CACNB4: variants seen among roughly 807,000 people sequenced by gnomAD.
CACNB4 encodes the protein voltage-dependent L-type calcium channel subunit beta-4.
In CACNB4, 32 loss-of-function variants were observed where a neutral mutation model predicts 71.2. That is an observed-to-expected ratio of 0.45 (90% CI 0.34 to 0.60). The LOEUF (loss-of-function observed/expected upper bound fraction) is 0.60. CACNB4 is among the 20% of genes least tolerant of loss of function. The pLI is 0.01. For missense variants in CACNB4, 464 were observed against 647.9 expected (o/e 0.72, Z 3.08); for synonymous variants, 231 against 236.9 (o/e 0.97, Z 0.23).
At chr2:152,009,517 G>A (rs991089133) in intron 2 of CACNB4, among the ~76,000 whole-genome samples, 12 of 152,214 alleles carry the variant, frequency 7.9e-5, no homozygotes, top group African/African-American at 2.6e-4. Flanking sequence ...GGGGAAACTC[G>A]GTGCAGGGTA....
At chr2:151,851,171 T>C (rs2099838988) in intron 12 of CACNB4, 1 of 152,202 alleles carries the variant, frequency 6.6e-6, no homozygotes, top group African/African-American at 2.4e-5. Flanking sequence ...AATTATGGTC[T>C]TGAAGTAAAG....
At position 151,953,124 on chromosome 2, in the gene CACNB4, A is replaced by C. The variant is rs1475237553; in HGVS notation, c.148-69754T>G. 2.0e-5 allele frequency among the ~76,000 whole-genome samples: 3 copies of C among 152,244 alleles called. No individual in the cohort carries two copies. The East Asian group carries it at 5.8e-4, about 29-fold the overall frequency. On this transcript the variant is annotated intron_variant, in intron 2 of 13. Coordinates refer to ENST00000539935, the MANE Select transcript of CACNB4 (RefSeq NM_000726.5). Reference sequence around the variant, plus strand: ...GATGAGCGATTTTATCCTGACACAGAAAATGAATATGAAGTGGCTCAGTCA... The same window carrying C: ...GATGAGCGATTTTATCCTGACACAGCAAATGAATATGAAGTGGCTCAGTCA...
chr2:151,870,632 C>G (rs1029887919), intron 7 of CACNB4, 21 bp from the exon 8 acceptor site: 5 of 1,599,090 alleles, frequency 3.1e-6, no homozygotes, highest in African/African-American at 2.7e-5. Flanking sequence ...TGATTCGACA[C>G]GCGTGACAAG....
chr2:151,885,978 A>AT (rs1213148290), intron 2 of CACNB4, among the ~76,000 whole-genome samples: 5 of 152,024 alleles, frequency 3.3e-5, no homozygotes, highest in African/African-American at 1.2e-4. Context: ...ATTTTTATTC[A>AT]TTTTTTCTTT....
intron 2 of CACNB4, among the ~76,000 whole-genome samples, chr2:152,051,726 G>A (rs1685438464): frequency 6.6e-6 from 1 of 152,094 alleles, no homozygotes; most frequent in Admixed American, 6.5e-5. Flanking sequence ...ACTTTCTGTT[G>A]TTTAAGCCAC....
At chr2:152,002,517 T>C (rs779875801) in intron 2 of CACNB4, among the ~76,000 whole-genome samples, 2 of 152,234 alleles carry the variant, frequency 1.3e-5, no homozygotes, top group Non-Finnish European at 2.9e-5. Flanking sequence ...AAAATGTTAT[T>C]GGAATCTATT....
intron 2 of CACNB4, among the ~76,000 whole-genome samples, chr2:151,961,544 G>A (rs1488277343): frequency 6.6e-6 from 1 of 152,192 alleles, no homozygotes; most frequent in African/African-American, 2.4e-5. Context: ...AAAGGAAGAC[G>A]ACCAACAACA....
In CACNB4 at chr2:151,954,965, C is replaced by A. The variant is rs576242057; in HGVS notation, c.148-71595G>T. On this transcript the variant is annotated intron_variant, in intron 2 of 13. Coordinates refer to ENST00000539935, the MANE Select transcript of CACNB4 (RefSeq NM_000726.5). ...GCCTCCCAGGTTCATGCCATTCTCCCGCCTCAGCCTCCCGAGTAGCTGGGA... is the reference window on the plus strand; with the variant it reads ...GCCTCCCAGGTTCATGCCATTCTCCAGCCTCAGCCTCCCGAGTAGCTGGGA... Among the ~76,000 whole-genome samples the A allele has an allele frequency of 9.0e-4, 135 of 149,818 alleles. 2 individuals are homozygous for A. The highest frequency in any genetic ancestry group is 1.9e-3 in the Admixed American group (28 of 14,772).
chr2:152,019,024 A>G (rs898213650), intron 2 of CACNB4, among the ~76,000 whole-genome samples: 2 of 152,144 alleles, frequency 1.3e-5, no homozygotes, highest in African/African-American at 2.4e-5. Flanking sequence ...TCTGGGGGCC[A>G]GGAGAGGGGA....
rs200327014 is a variant in CACNB4 at position 151,973,728 on chromosome 2, C to G, written c.148-90358G>C. 26 of 1,612,416 alleles carry G rather than the reference C, an allele frequency of 1.6e-5. No individual in the cohort carries two copies. The African/African-American group carries it at 3.3e-4, about 21-fold the overall frequency. On this transcript the variant is annotated intron_variant, in intron 2 of 13. Coordinates refer to ENST00000539935, the MANE Select transcript of CACNB4 (RefSeq NM_000726.5). ...TTGTCATACATGGAGGTGTGATAAT[C>G]CAGAGCACCTCTTTCAAGGCAAAAA...
intron 2 of CACNB4, among the ~76,000 whole-genome samples, chr2:151,960,010 T>A (rs755759625): frequency 5.9e-5 from 9 of 152,210 alleles, no homozygotes; most frequent in Non-Finnish European, 1.3e-4. Flanking sequence ...AACACTGCAC[T>A]CTACACTAGT....
chr2:151,850,094 G>C, intron 12 of CACNB4: 1 of 150,772 alleles, frequency 6.6e-6, no homozygotes. Flanking sequence ...CCTTACCCAT[G>C]AAATACATAC....
At chr2:151,881,043 G>T in intron 3 of CACNB4, 121 bp from the exon 4 acceptor site, 1 of 980,964 alleles carries the variant, frequency 1.0e-6, no homozygotes, top group Non-Finnish European at 1.5e-6. Flanking sequence ...TCTCAAATGA[G>T]TTTTACATTC....
intron 2 of CACNB4, among the ~76,000 whole-genome samples, chr2:152,052,667 A>C (rs1424249324): frequency 6.6e-6 from 1 of 152,172 alleles, no homozygotes; most frequent in Admixed American, 6.5e-5. Context: ...ATTGCCAAAT[A>C]ATATTCTATT....
intron 2 of CACNB4, among the ~76,000 whole-genome samples, chr2:151,910,784 C>T (rs143848118): frequency 1.7e-3 from 262 of 152,264 alleles, no homozygotes; most frequent in African/African-American, 6.1e-3. Flanking sequence ...TATATGGGGT[C>T]TTCTTTGATT....
intron 2 of CACNB4, among the ~76,000 whole-genome samples, chr2:151,980,049 T>C (rs2151747806): frequency 6.6e-6 from 1 of 152,302 alleles, no homozygotes; most frequent in South Asian, 2.1e-4. Context: ...AACAAAACTG[T>C]TTAACGTAAA....
At chr2:151,888,316 C>T (rs1228628454) in intron 2 of CACNB4, among the ~76,000 whole-genome samples, 1 of 152,078 alleles carries the variant, frequency 6.6e-6, no homozygotes, top group Non-Finnish European at 1.5e-5. Context: ...AATCCCAGCA[C>T]TTTGGGAGGC....
chr2:152,002,763 A>G (rs1301369634), intron 2 of CACNB4, among the ~76,000 whole-genome samples: 1 of 152,264 alleles, frequency 6.6e-6, no homozygotes, highest in Non-Finnish European at 1.5e-5. Flanking sequence ...TAGATACAGC[A>G]GCATCAAAAT....
chr2:152,028,629 A>T (rs960435020), intron 2 of CACNB4, among the ~76,000 whole-genome samples: 3 of 152,226 alleles, frequency 2.0e-5, no homozygotes, highest in Admixed American at 6.5e-5. Context: ...TTTTCCTTGG[A>T]ATCTGACCAA....
Sources: allele counts gnomAD v4.1 joint callset (sites outside exome capture counted in the v4.1 genomes callset), GRCh38; gene constraint gnomAD v4.1.1; transcripts MANE v1.5; gene names NCBI Gene and HGNC (gene_info 2026-07-23, HGNC 2026-07-21).